Variants in NCKAP5 observed in about 807,000 individuals in gnomAD.
NCKAP5 encodes NCK associated protein 5, also known as nck-associated protein 5.
In NCKAP5, 92 loss-of-function variants were observed where a neutral mutation model predicts 167.0. The observed-to-expected ratio is 0.55, with a 90% CI of 0.47 to 0.66. The LOEUF (loss-of-function observed/expected upper bound fraction) is 0.66. NCKAP5 is among the 30% of genes least tolerant of loss of function. The pLI is 0.00. For synonymous variants in NCKAP5, 891 were observed against 877.4 expected (o/e 1.02, Z -0.27); for missense variants, 2,378 against 2,315.0 (o/e 1.03, Z -0.56).
chr2:133,506,791 G>C (rs983330806), intron 3 of NCKAP5, among the ~76,000 whole-genome samples: 1 of 152,122 alleles, frequency 6.6e-6, no homozygotes, highest in Non-Finnish European at 1.5e-5. Flanking sequence ...CCAGTACCTG[G>C]CATGAGTGTG....
intron 6 of NCKAP5, among the ~76,000 whole-genome samples, chr2:133,114,938 T>G (rs2082025485): frequency 6.6e-6 from 1 of 152,192 alleles, no homozygotes; most frequent in African/African-American, 2.4e-5. Context: ...GATGCACTAT[T>G]TCATTAAAAA....
At chr2:132,871,934 G>A (rs939862854) in intron 9 of NCKAP5, among the ~76,000 whole-genome samples, 10 of 152,280 alleles carry the variant, frequency 6.6e-5, no homozygotes, top group Middle Eastern at 3.4e-3. Flanking sequence ...GTTTGTGCCT[G>A]CAACCTCTAC....
chr2:133,335,577 T>C (rs985997845), intron 3 of NCKAP5, among the ~76,000 whole-genome samples: 1 of 152,192 alleles, frequency 6.6e-6, no homozygotes, highest in Non-Finnish European at 1.5e-5. Context: ...ATAAAAAATG[T>C]ATAGACTAAA....
chr2:132,866,059 C>T (rs577868102), intron 10 of NCKAP5, among the ~76,000 whole-genome samples: 103 of 152,268 alleles, frequency 6.8e-4, no homozygotes, highest in African/African-American at 2.2e-3. Context: ...TCTGTTTCTG[C>T]CTGAATGGCT....
At chr2:133,350,988 A>T (rs1331240602) in intron 3 of NCKAP5, among the ~76,000 whole-genome samples, 3 of 151,518 alleles carry the variant, frequency 2.0e-5, no homozygotes, top group Non-Finnish European at 4.4e-5. Context: ...GCCCTCAAAC[A>T]CCCTGAGCCA....
intron 4 of NCKAP5, among the ~76,000 whole-genome samples, chr2:133,236,643 A>G (rs1409068852): frequency 6.6e-6 from 1 of 152,224 alleles, no homozygotes; most frequent in Non-Finnish European, 1.5e-5. Context: ...AAATATTAAG[A>G]TATAATTTAA....
At chr2:132,824,818 T>C (rs1574339154) in intron 11 of NCKAP5, among the ~76,000 whole-genome samples, 1 of 152,190 alleles carries the variant, frequency 6.6e-6, no homozygotes, top group Admixed American at 6.5e-5. Context: ...TGGTGGCTGG[T>C]CCATCAGCAA....
chr2:133,392,847 C>T (rs1574867894), intron 3 of NCKAP5, among the ~76,000 whole-genome samples: 1 of 152,042 alleles, frequency 6.6e-6, no homozygotes, highest in East Asian at 1.9e-4. Flanking sequence ...TGTAATATTC[C>T]AAGAATGTAG....
intron 3 of NCKAP5, among the ~76,000 whole-genome samples, chr2:133,485,759 A>G (rs946560456): frequency 6.6e-6 from 1 of 151,780 alleles, no homozygotes; most frequent in African/African-American, 2.4e-5. Flanking sequence ...CTTCTGTAGC[A>G]TTTTATTTGC....
At chr2:133,032,111 T>G (rs1422469921) in intron 6 of NCKAP5, among the ~76,000 whole-genome samples, 1 of 152,084 alleles carries the variant, frequency 6.6e-6, no homozygotes, top group Non-Finnish European at 1.5e-5. Flanking sequence ...AAGGGCTTTG[T>G]CTTGTACCTT....
At position 133,568,402 on chromosome 2, in the gene NCKAP5, C is replaced by A. The variant is rs1688719549; in HGVS notation, c.-316G>T. On this transcript the variant is annotated 5_prime_UTR_variant, in exon 1 of 20. Coordinates refer to ENST00000409261, the MANE Select transcript of NCKAP5 (RefSeq NM_207363.3). ...CATCCACAGCGGCTGGGAAGTCCTG[C>A]CGTGAATGCGGAGCAAGTTTGCGGA... 6.6e-6 allele frequency: 1 copy of A among 152,174 alleles called. No individual in the cohort carries two copies. Among genetic ancestry groups the A allele is most frequent in the Non-Finnish European group, 1.5e-5 (1 of 68,034 alleles). The allele number at this position is 152,174 out of a possible 1,614,324, so 9.4% of individuals were successfully genotyped here. A position where few individuals can be genotyped will look rare whatever the true frequency, so the allele number is the denominator to read the frequency against.
intron 19 of NCKAP5, among the ~76,000 whole-genome samples, chr2:132,689,163 T>G (rs1474770860): frequency 2.0e-5 from 3 of 152,038 alleles, no homozygotes; most frequent in Admixed American, 1.3e-4. Context: ...ACATAACATG[T>G]GGGTGAATAC....
chr2:133,188,468 C>T (rs1034513382), intron 5 of NCKAP5, among the ~76,000 whole-genome samples: 33 of 152,056 alleles, frequency 2.2e-4, no homozygotes, highest in Admixed American at 1.5e-3. Flanking sequence ...CACCCCAAAT[C>T]AACAGAATAT....
At chr2:132,878,383 C>A (rs1380057698) in intron 9 of NCKAP5, among the ~76,000 whole-genome samples, 3 of 152,088 alleles carry the variant, frequency 2.0e-5, no homozygotes, top group African/African-American at 4.8e-5. Context: ...TGGTTGCCAA[C>A]TGTGAACATC....
intron 3 of NCKAP5, among the ~76,000 whole-genome samples, chr2:133,449,726 A>C (rs1222333465): frequency 6.6e-6 from 1 of 152,162 alleles, no homozygotes. Context: ...TCTTGACTTT[A>C]CCACCTTTTC....
chr2:132,951,503 G>A (rs1026697691), intron 8 of NCKAP5, among the ~76,000 whole-genome samples: 1 of 152,148 alleles, frequency 6.6e-6, no homozygotes, highest in African/African-American at 2.4e-5. Context: ...GGGTCACACT[G>A]CTTTGGTTAT....
At chr2:133,562,301 A>C (rs1688214993) in intron 1 of NCKAP5, among the ~76,000 whole-genome samples, 1 of 152,150 alleles carries the variant, frequency 6.6e-6, no homozygotes, top group South Asian at 2.1e-4. Flanking sequence ...TTTAGTACTA[A>C]TATTCATATA....
At chr2:132,943,492 G>A (rs1328586662) in intron 8 of NCKAP5, among the ~76,000 whole-genome samples, 5 of 152,240 alleles carry the variant, frequency 3.3e-5, no homozygotes, top group Non-Finnish European at 7.3e-5. Context: ...GATGCAAAGA[G>A]CTGAGAGAAA....
intron 5 of NCKAP5, among the ~76,000 whole-genome samples, chr2:133,194,557 C>T (rs937181473): frequency 6.6e-6 from 1 of 151,974 alleles, no homozygotes; most frequent in African/African-American, 2.4e-5. Flanking sequence ...TTTATTTCTA[C>T]TATTCCAAGG....
Sources: allele counts gnomAD v4.1 joint callset (sites outside exome capture counted in the v4.1 genomes callset), GRCh38; gene constraint gnomAD v4.1.1; transcripts MANE v1.5; gene names NCBI Gene and HGNC (gene_info 2026-07-23, HGNC 2026-07-21).